Variants in MCPH1 observed in about 807,000 individuals in gnomAD.
The protein encoded by MCPH1 is microcephalin 1, also known as microcephalin.
In MCPH1, 104 loss-of-function variants were observed where a neutral mutation model predicts 84.5. The observed-to-expected ratio is 1.23, with a 90% CI of 1.05 to 1.45. The LOEUF is 1.45. Ranked by LOEUF, MCPH1 falls within the 40% of genes most tolerant of loss-of-function variation. The pLI is 0.00. For synonymous variants in MCPH1, 514 were observed against 366.8 expected (o/e 1.40, Z -4.58); for missense variants, 1,498 against 1,005.7 (o/e 1.49, Z -6.62).
In MCPH1 at chr8:6,505,363, AT is replaced by A. The variant is rs1813273915; in HGVS notation, c.2214+5435del. ...GAATATATATATTCTTTCTATATGT[AT>A]ATAGAATATATATATTCTTTCTATA... On this transcript the variant is annotated intron_variant, in intron 12 of 13. Coordinates refer to ENST00000344683, the MANE Select transcript of MCPH1 (RefSeq NM_024596.5). Among the ~76,000 whole-genome samples the A allele has an allele frequency of 2.5e-5, 2 of 78,448 alleles. 1 individual carries two copies. The highest frequency in any genetic ancestry group is 1.2e-4 in the African/African-American group (2 of 17,336). 51.5% of individuals were successfully genotyped at this position (78,448 alleles called of 152,430 possible). A position where few individuals can be genotyped will look rare whatever the true frequency, so the allele number is the denominator to read the frequency against.
chr8:6,565,626 A>G lies in MCPH1; in HGVS notation c.2215-55828A>G, dbSNP rs572108599. On this transcript the variant is annotated intron_variant, in intron 12 of 13. Coordinates refer to ENST00000344683, the MANE Select transcript of MCPH1 (RefSeq NM_024596.5). ...AAATAGAGTAGTTTAAAAGGAACAA[A>G]TAGAAAGAGGGCACACCACAGTACT... 2.0e-5 allele frequency among the ~76,000 whole-genome samples: 3 copies of G among 152,298 alleles called. No individual in the cohort carries two copies. In the South Asian group the frequency reaches 6.2e-4, roughly 32 times the overall value.
At chr8:6,520,814 C>A (rs1355990162) in intron 12 of MCPH1, among the ~76,000 whole-genome samples, 1 of 152,194 alleles carries the variant, frequency 6.6e-6, no homozygotes, top group Non-Finnish European at 1.5e-5. Context: ...TGTATTATCT[C>A]ATTTAATCTT....
At chr8:6,460,005 A>AT (rs1340758983) in intron 9 of MCPH1, among the ~76,000 whole-genome samples, 10 of 152,174 alleles carry the variant, frequency 6.6e-5, no homozygotes, top group African/African-American at 2.4e-4. Flanking sequence ...GACTGCTCTC[A>AT]TCTTTGGTTT....
At chr8:6,477,401 G>T (rs895656913) in intron 9 of MCPH1, 193 bp from the exon 10 acceptor site, 8 of 585,434 alleles carry the variant, frequency 1.4e-5, no homozygotes, top group South Asian at 2.1e-5. Context: ...TTGCTTTGGG[G>T]ACAGTATCTG....
chr8:6,527,607 T>C (rs1275797007), intron 12 of MCPH1: 1 of 1,614,112 alleles, frequency 6.2e-7, no homozygotes, highest in African/African-American at 1.3e-5. Context: ...AAAATCTGTT[T>C]TTCCAATTTG....
At chr8:6,625,393 G>C (rs1831963184) in intron 13 of MCPH1, 1 of 985,276 alleles carries the variant, frequency 1.0e-6, no homozygotes, top group African/African-American at 1.7e-5. Flanking sequence ...GTCTTTTGGA[G>C]ACTTTTTTTC....
chr8:6,424,268 T>C (rs1800714394), intron 3 of MCPH1, among the ~76,000 whole-genome samples: 1 of 152,208 alleles, frequency 6.6e-6, no homozygotes, highest in African/African-American at 2.4e-5. Flanking sequence ...GAAGACAATT[T>C]ATCATTTTTA....
intron 12 of MCPH1, among the ~76,000 whole-genome samples, chr8:6,605,424 T>C (rs1586771694): frequency 6.6e-6 from 1 of 152,120 alleles, no homozygotes; most frequent in East Asian, 1.9e-4. Context: ...AGCAGAAAAG[T>C]GTTATGCGAT....
intron 9 of MCPH1, among the ~76,000 whole-genome samples, chr8:6,468,827 T>G (rs971362117): frequency 6.6e-6 from 1 of 151,968 alleles, no homozygotes; most frequent in Non-Finnish European, 1.5e-5. Flanking sequence ...TGAATTTGAG[T>G]AAAAAACAGT....
chr8:6,505,317 T>G, intron 12 of MCPH1, among the ~76,000 whole-genome samples: 3 of 61,474 alleles, frequency 4.9e-5, no homozygotes, highest in African/African-American at 1.7e-4. Flanking sequence ...ATAACATATA[T>G]ATGTTATATA....
At position 6,414,903 on chromosome 8, in the gene MCPH1, C is replaced by CT. The variant is rs771167593; in HGVS notation, c.233+27dup. ...GGAAAAGTAAGCAGTTTCTCTCTTA[C>CT]TTTTTTTCCTTAAGTATCTAGTATT... On this transcript the variant is annotated intron_variant, in intron 3 of 13. Coordinates refer to ENST00000344683, the MANE Select transcript of MCPH1 (RefSeq NM_024596.5). 5.0e-6 allele frequency: 8 copies of CT among 1,609,384 alleles called. No homozygotes were observed. Among genetic ancestry groups the CT allele is most frequent in the Non-Finnish European group, 5.9e-6 (7 of 1,176,934 alleles).
intron 12 of MCPH1, among the ~76,000 whole-genome samples, chr8:6,615,211 C>A (rs564555343): frequency 6.6e-6 from 1 of 152,204 alleles, no homozygotes; most frequent in African/African-American, 2.4e-5. Context: ...GTGTGCTTTC[C>A]GTGAGGAACT....
chr8:6,428,076 C>T (rs568705228), intron 3 of MCPH1, among the ~76,000 whole-genome samples: 26 of 152,224 alleles, frequency 1.7e-4, no homozygotes, highest in African/African-American at 6.0e-4. Flanking sequence ...GCCACCACGC[C>T]TCGCCTATAC....
chr8:6,568,496 T>G (rs1826401305), intron 12 of MCPH1, among the ~76,000 whole-genome samples: 1 of 152,144 alleles, frequency 6.6e-6, no homozygotes, highest in African/African-American at 2.4e-5. Context: ...TGTTGTCCAG[T>G]TTAATGCTCA....
rs1828803337 is a variant in MCPH1, at chr8:6,594,893, A to C, written c.2215-26561A>C. Among the ~76,000 whole-genome samples the C allele has an allele frequency of 2.0e-5, 3 of 152,326 alleles. No homozygotes were observed. The East Asian group carries it at 5.8e-4, about 29-fold the overall frequency. On this transcript the variant is annotated intron_variant, in intron 12 of 13. Transcript: ENST00000344683. ...GACCTAGTTTAAAGGGATAGAAGAG[A>C]CATTACTTTAGCTCCTTCTCTTCAG...
chr8:6,466,573 C>T (rs1414185033), intron 9 of MCPH1, among the ~76,000 whole-genome samples: 1 of 152,162 alleles, frequency 6.6e-6, no homozygotes, highest in Non-Finnish European at 1.5e-5. Flanking sequence ...TCCCAAAGTG[C>T]TGGGATTACA....
At chr8:6,459,530 T>C (rs1346615657) in intron 9 of MCPH1, among the ~76,000 whole-genome samples, 1 of 152,224 alleles carries the variant, frequency 6.6e-6, no homozygotes, top group Non-Finnish European at 1.5e-5. Flanking sequence ...TGAATATTAA[T>C]GTTGAAAAAG....
At position 6,506,964 on chromosome 8, in the gene MCPH1, C is replaced by G. The variant is rs1267772249; in HGVS notation, c.2214+7035C>G. Among the ~76,000 whole-genome samples, 5 of 151,674 alleles carry G rather than the reference C, an allele frequency of 3.3e-5. 1 individual carries two copies. The highest frequency in any genetic ancestry group is 3.3e-4 in the Admixed American group (5 of 15,226). ...CCAGGCTGGATTGTACTGGTGCGATCTCGGCTCATTGCAAACTCTGTCTCC... is the reference window on the plus strand; with the variant it reads ...CCAGGCTGGATTGTACTGGTGCGATGTCGGCTCATTGCAAACTCTGTCTCC... On this transcript the variant is annotated intron_variant, in intron 12 of 13. Transcript: ENST00000344683.
intron 11 of MCPH1, among the ~76,000 whole-genome samples, chr8:6,483,236 C>T (rs149448254): frequency 2.5e-4 from 38 of 152,314 alleles, no homozygotes; most frequent in Non-Finnish European, 4.4e-5. Context: ...GTACAGTGAA[C>T]ATGTCACTTC....
Sources: gnomAD v4.1 joint callset for allele counts (sites outside exome capture counted in the v4.1 genomes callset) on GRCh38, gnomAD v4.1.1 for gene constraint, MANE v1.5 for transcripts, NCBI Gene and HGNC (gene_info 2026-07-23, HGNC 2026-07-21) for gene names.